Variants in ETV6 observed in about 807,000 individuals in gnomAD.
The protein encoded by ETV6 is ETS variant transcription factor 6.
A neutral mutation model predicts 51.1 loss-of-function variants in ETV6; 16 were observed. The observed-to-expected ratio is 0.31, with a 90% CI of 0.21 to 0.48. The LOEUF (loss-of-function observed/expected upper bound fraction) is 0.48. Among genes scored for constraint, ETV6 ranks in the 20% least tolerant of loss-of-function variants. The pLI, the probability that ETV6 is intolerant of heterozygous loss-of-function variation, is 0.99. For missense variants in ETV6, 458 were observed against 594.8 expected, an observed-to-expected ratio of 0.77 and a Z score of 2.39; for synonymous variants, 240 against 224.1, an observed-to-expected ratio of 1.07 and a Z score of -0.64.
At chr12:11,850,502 C>G (rs1460527150) in intron 3 of ETV6, among the ~76,000 whole-genome samples, 1 of 152,182 alleles carries the variant, frequency 6.6e-6, no homozygotes, top group Non-Finnish European at 1.5e-5. Context: ...ACACCTGTCC[C>G]AAGCCACTAT....
intron 1 of ETV6, among the ~76,000 whole-genome samples, chr12:11,709,884 AG>A (rs1446964522): frequency 6.6e-6 from 1 of 152,084 alleles, no homozygotes; most frequent in Non-Finnish European, 1.5e-5. Context: ...TGCCTCTATA[AG>A]CACATAAGCC....
intron 1 of ETV6, among the ~76,000 whole-genome samples, chr12:11,689,953 C>T (rs1027045865): frequency 1.3e-5 from 2 of 151,756 alleles, no homozygotes; most frequent in Admixed American, 6.6e-5. Context: ...GATTTTCGTG[C>T]GCAAATACAG....
chr12:11,717,170 C>G (rs1280125482), intron 1 of ETV6, among the ~76,000 whole-genome samples: 1 of 152,192 alleles, frequency 6.6e-6, no homozygotes, highest in East Asian at 1.9e-4. Flanking sequence ...CCAAATACAG[C>G]AGTGTCTGCT....
chr12:11,840,457 G>A (rs571316192), intron 3 of ETV6: 258 of 456,050 alleles, frequency 5.7e-4, no homozygotes, highest in African/African-American at 4.7e-3. Context: ...GAATCCCACT[G>A]CAGACCTCGA....
Position 11,891,391 on chromosome 12 carries a change from G to C in ETV6, c.*345G>C. The C allele has an allele frequency of 5.9e-6, 2 of 341,658 alleles. No individual in the cohort carries two copies. The allele number at this position is 341,658 out of a possible 1,614,324, so 21.2% of individuals were successfully genotyped here. On this transcript the variant is annotated 3_prime_UTR_variant, in exon 8 of 8. Coordinates refer to ENST00000396373, the MANE Select transcript of ETV6 (RefSeq NM_001987.5). ...TTTGTTTTTGTTTTAAGAACCTGCA[G>C]TTTGACTCTTCATCGTTCATCTAGG...
chr12:11,802,223 C>A (rs1487214056), intron 2 of ETV6, among the ~76,000 whole-genome samples: 1 of 152,136 alleles, frequency 6.6e-6, no homozygotes, highest in Admixed American at 6.5e-5. Flanking sequence ...AAAGTCCAAG[C>A]GTACAGAAGC....
At chr12:11,655,740 G>A (rs1863987987) in intron 1 of ETV6, among the ~76,000 whole-genome samples, 1 of 152,308 alleles carries the variant, frequency 6.6e-6, no homozygotes, top group African/African-American at 2.4e-5. Context: ...AGTTCAGCCT[G>A]GTCGTTGTCT....
At chr12:11,814,369 TC>T (rs968006499) in intron 2 of ETV6, among the ~76,000 whole-genome samples, 1 of 152,220 alleles carries the variant, frequency 6.6e-6, no homozygotes, top group Non-Finnish European at 1.5e-5. Flanking sequence ...ATTTTTTTTT[TC>T]AATACTTTGG....
intron 1 of ETV6, among the ~76,000 whole-genome samples, chr12:11,728,417 C>A (rs1239977778): frequency 6.6e-6 from 1 of 152,218 alleles, no homozygotes; most frequent in Non-Finnish European, 1.5e-5. Context: ...CGCCTCCTGT[C>A]AGATCAGTGG....
At chr12:11,715,819 A>C (rs1011599476) in intron 1 of ETV6, among the ~76,000 whole-genome samples, 1 of 152,234 alleles carries the variant, frequency 6.6e-6, no homozygotes, top group African/African-American at 2.4e-5. Flanking sequence ...AAATAGCTAA[A>C]TTGAGAGGAT....
At chr12:11,705,561 G>T (rs1380981453) in intron 1 of ETV6, among the ~76,000 whole-genome samples, 2 of 152,152 alleles carry the variant, frequency 1.3e-5, no homozygotes, top group Non-Finnish European at 2.9e-5. Context: ...ATTTAGTCTG[G>T]TCTAGCCTGC....
intron 1 of ETV6, among the ~76,000 whole-genome samples, chr12:11,694,070 A>C (rs1864825120): frequency 6.6e-6 from 1 of 152,204 alleles, no homozygotes; most frequent in African/African-American, 2.4e-5. Context: ...GTAGAGAAAC[A>C]CTGTATCATG....
intron 2 of ETV6, chr12:11,752,885 T>C (rs766538411): frequency 2.8e-5 from 7 of 246,604 alleles, no homozygotes; most frequent in Non-Finnish European, 5.4e-5. Context: ...ATGATTTCTG[T>C]GTGTGTGCAA....
At chr12:11,888,326 T>C (rs900987823) in intron 7 of ETV6, among the ~76,000 whole-genome samples, 6 of 152,198 alleles carry the variant, frequency 3.9e-5, no homozygotes, top group Middle Eastern at 3.4e-3. Flanking sequence ...ATAGCTGTCG[T>C]CTTCCATCAT....
At chr12:11,721,448 C>G (rs1865384937) in intron 1 of ETV6, among the ~76,000 whole-genome samples, 1 of 152,160 alleles carries the variant, frequency 6.6e-6, no homozygotes, top group Admixed American at 6.5e-5. Flanking sequence ...GAGCTGGAAA[C>G]CATAATTCTA....
chr12:11,710,061 G>A (rs932996919), intron 1 of ETV6, among the ~76,000 whole-genome samples: 3 of 152,262 alleles, frequency 2.0e-5, no homozygotes, highest in South Asian at 2.1e-4. Flanking sequence ...TTCTCACATC[G>A]GGAGGTCAGC....
intron 1 of ETV6, among the ~76,000 whole-genome samples, chr12:11,731,747 G>A (rs923632173): frequency 2.0e-5 from 3 of 152,060 alleles, no homozygotes; most frequent in Non-Finnish European, 4.4e-5. Context: ...GCCCTTCATA[G>A]TCATTAATTT....
intron 1 of ETV6, among the ~76,000 whole-genome samples, chr12:11,729,831 A>G (rs551724418): frequency 1.3e-5 from 2 of 152,346 alleles, no homozygotes; most frequent in East Asian, 3.9e-4. Context: ...CCTCTTTTGT[A>G]GTGAAAAAAT....
At chr12:11,882,723 C>T (rs1947117607) in intron 5 of ETV6, among the ~76,000 whole-genome samples, 2 of 151,946 alleles carry the variant, frequency 1.3e-5, no homozygotes, top group African/African-American at 2.4e-5. Flanking sequence ...AACAGAACCT[C>T]AGGAAGATTA....
Sources: gnomAD v4.1 joint callset for allele counts (sites outside exome capture counted in the v4.1 genomes callset) on GRCh38, gnomAD v4.1.1 for gene constraint, MANE v1.5 for transcripts, NCBI Gene and HGNC (gene_info 2026-07-23, HGNC 2026-07-21) for gene names.